The following TSTD2 variants were observed in gnomAD, a reference collection of about 807,000 sequenced individuals.
The protein encoded by TSTD2 is thiosulfate sulfurtransferase/rhodanese-like domain-containing protein 2.
A neutral mutation model predicts 47.9 loss-of-function variants in TSTD2; 37 were observed. The ratio of observed to expected loss-of-function variants is 0.77; its 90% CI spans 0.59 to 1.02. The LOEUF is 1.02. TSTD2 is among the 50% of genes least tolerant of loss of function. The pLI is 0.00. For synonymous variants in TSTD2, 201 were observed against 215.9 expected (o/e 0.93, Z 0.61); for missense variants, 586 against 616.0 (o/e 0.95, Z 0.52).
Position 97,600,708 on chromosome 9 carries a change from G to A in TSTD2, c.*1761C>T, listed in dbSNP as rs1013402834. ...GTATATTAAGCCTCCGCAGGATGCC[G>A]GACAATGGTGAAGAAACTCCAGATA... On this transcript the variant is annotated 3_prime_UTR_variant, in exon 10 of 10. Coordinates refer to ENST00000341170, the MANE Select transcript of TSTD2 (RefSeq NM_139246.5). The A allele has an allele frequency of 1.8e-5, 18 of 1,004,004 alleles. No homozygotes were observed. The highest frequency in any genetic ancestry group is 5.2e-5 in the African/African-American group (3 of 57,464). 62.2% of individuals were successfully genotyped at this position (1,004,004 alleles called of 1,614,324 possible).
At chr9:97,630,269 C>T (rs866348320) in intron 1 of TSTD2, among the ~76,000 whole-genome samples, 1 of 152,168 alleles carries the variant, frequency 6.6e-6, no homozygotes, top group African/African-American at 2.4e-5. Context: ...GCCTTTCCCA[C>T]CACCCCAAAA....
intron 3 of TSTD2, among the ~76,000 whole-genome samples, chr9:97,624,060 T>C (rs1826680084): frequency 6.6e-6 from 1 of 152,066 alleles, no homozygotes; most frequent in African/African-American, 2.4e-5. Context: ...TGCTAGGTAA[T>C]ACACACTAAA....
chr9:97,630,225 C>T (rs375636093), intron 1 of TSTD2, among the ~76,000 whole-genome samples: 1 of 152,216 alleles, frequency 6.6e-6, no homozygotes, highest in South Asian at 2.1e-4. Flanking sequence ...CATGTTCTTT[C>T]CTGACTCAAG....
chr9:97,616,269 G>T (rs1406258126), intron 4 of TSTD2, among the ~76,000 whole-genome samples: 2 of 152,188 alleles, frequency 1.3e-5, no homozygotes, highest in Non-Finnish European at 2.9e-5. Context: ...AGTATCAGAC[G>T]AGAGGAAAAG....
chr9:97,612,135 A>G (rs572426272), intron 4 of TSTD2, among the ~76,000 whole-genome samples: 1 of 152,278 alleles, frequency 6.6e-6, no homozygotes, highest in South Asian at 2.1e-4. Context: ...TTCCTGCGTT[A>G]GTTTGCTAAG....
chr9:97,628,021 A>T (rs538762440), intron 1 of TSTD2, among the ~76,000 whole-genome samples: 1 of 152,332 alleles, frequency 6.6e-6, no homozygotes, highest in East Asian at 1.9e-4. Context: ...CAGAAACCTG[A>T]ATTAGGGAGC....
At chr9:97,617,723 C>T (rs753818297) in intron 4 of TSTD2, 34 bp downstream of exon 4, 15 of 1,580,954 alleles carry the variant, frequency 9.5e-6, no homozygotes, top group Non-Finnish European at 1.3e-5. Flanking sequence ...CAAGATGGAC[C>T]CAGTGAAGGA....
intron 4 of TSTD2, among the ~76,000 whole-genome samples, chr9:97,614,936 C>T (rs557257284): frequency 1.3e-5 from 2 of 152,244 alleles, no homozygotes; most frequent in East Asian, 3.9e-4. Context: ...CCACTACCAA[C>T]TTATAGTGGA....
chr9:97,617,090 A>G (rs990873343), intron 4 of TSTD2, among the ~76,000 whole-genome samples: 3 of 152,258 alleles, frequency 2.0e-5, no homozygotes, highest in Admixed American at 6.5e-5. Context: ...ACTTTCAGAT[A>G]GTAATAAATC....
intron 1 of TSTD2, among the ~76,000 whole-genome samples, chr9:97,632,936 C>T (rs1826861241): frequency 6.6e-6 from 1 of 152,224 alleles, no homozygotes; most frequent in African/African-American, 2.4e-5. Flanking sequence ...CAGTATGGTG[C>T]TCATAAAGAC....
At chr9:97,632,676 C>G (rs897752427) in intron 1 of TSTD2, among the ~76,000 whole-genome samples, 2 of 152,186 alleles carry the variant, frequency 1.3e-5, no homozygotes, top group Non-Finnish European at 2.9e-5. Context: ...GTTAGCTACC[C>G]CGCCCGGCCG....
intron 3 of TSTD2, among the ~76,000 whole-genome samples, chr9:97,621,713 G>T (rs1039720356): frequency 6.6e-6 from 1 of 152,168 alleles, no homozygotes; most frequent in African/African-American, 2.4e-5. Context: ...ATTCTAGTCA[G>T]ACTGGTTCTG....
intron 1 of TSTD2, among the ~76,000 whole-genome samples, chr9:97,630,443 G>A (rs1826790631): frequency 6.6e-6 from 1 of 152,100 alleles, no homozygotes; most frequent in Non-Finnish European, 1.5e-5. Context: ...TGCTCTCTTG[G>A]AGCTTATATT....
chr9:97,617,836 C>T lies in TSTD2; in HGVS notation c.524G>A (p.Cys175Tyr), dbSNP rs1826571188. Residue 175 changes from cysteine to tyrosine, a missense_variant, in exon 4 of 10, where the codon TGC (cysteine) becomes TAC (tyrosine). By Grantham distance (194) the Cys-to-Tyr change is radical. Transcript: ENST00000341170. ...TTGGGGATCCTCCAGGTCATGGTAGCAGTAATAAAGGAGCACCTCCCCTTC... is the reference window on the plus strand; with the variant it reads ...TTGGGGATCCTCCAGGTCATGGTAGTAGTAATAAAGGAGCACCTCCCCTTC... The part of the protein sequence containing the change: ...SEEGEVLLYY[C>Y]YHDLEDPQWI... 2 of 1,614,056 alleles carry T rather than the reference C, an allele frequency of 1.2e-6. No homozygotes were observed.
chr9:97,632,815 T>G lies in TSTD2; in HGVS notation c.-51+428A>C, dbSNP rs374540185. 1.5e-3 allele frequency among the ~76,000 whole-genome samples: 233 copies of G among 152,232 alleles called. 1 individual carries two copies. The highest frequency in any genetic ancestry group is 5.4e-3 in the African/African-American group (225 of 41,552). ...AAAAGAGCTAAGAAAGACTCTAAAT[T>G]TTTGGATTAAGCGGCCGACGGATGA... On this transcript the variant is annotated intron_variant, in intron 1 of 9. Transcript: ENST00000341170.
intron 1 of TSTD2, 59 bp downstream of exon 1, chr9:97,633,184 C>T (rs1217317311): frequency 6.4e-6 from 1 of 155,114 alleles, no homozygotes; most frequent in African/African-American, 2.4e-5. Context: ...GGCCCAACCT[C>T]TCCTCCCACT....
At chr9:97,615,397 A>G (rs745371430) in intron 4 of TSTD2, among the ~76,000 whole-genome samples, 48 of 152,382 alleles carry the variant, frequency 3.1e-4, no homozygotes, top group Non-Finnish European at 6.3e-4. Flanking sequence ...TATAGCTGAT[A>G]GCTGGTAAAT....
intron 4 of TSTD2, 90 bp downstream of exon 4, chr9:97,617,667 A>G: frequency 6.9e-7 from 1 of 1,452,466 alleles, no homozygotes; most frequent in Non-Finnish European, 9.1e-7. Flanking sequence ...TCAACAGTGA[A>G]TCTTTTTTAT....
At chr9:97,633,113 A>T (rs1376109766) in intron 1 of TSTD2, 130 bp downstream of exon 1, 2 of 153,426 alleles carry the variant, frequency 1.3e-5, no homozygotes, top group Non-Finnish European at 2.9e-5. Flanking sequence ...GCCTTTCCAT[A>T]CCAAGGGGCG....
Sources: gnomAD v4.1 joint callset for allele counts (sites outside exome capture counted in the v4.1 genomes callset) on GRCh38, gnomAD v4.1.1 for gene constraint, MANE v1.5 for transcripts, NCBI Gene and HGNC (gene_info 2026-07-23, HGNC 2026-07-21) for gene names.